Variants in MTIF2 observed in about 807,000 individuals in gnomAD.
The protein encoded by MTIF2 is translation initiation factor IF-2, mitochondrial.
In MTIF2, 71 loss-of-function variants were observed where a neutral mutation model predicts 83.5. That is an observed-to-expected ratio of 0.85 (90% CI 0.70 to 1.04). The LOEUF is 1.04. Among genes scored for constraint, MTIF2 ranks in the 50% least tolerant of loss-of-function variants. MTIF2 has a pLI of 0.00. For missense variants in MTIF2, 957 were observed against 846.5 expected (o/e 1.13, Z -1.62); for synonymous variants, 319 against 287.1 (o/e 1.11, Z -1.12).
At chr2:55,266,874 T>C (rs1472551774) in intron 3 of MTIF2, among the ~76,000 whole-genome samples, 1 of 151,202 alleles carries the variant, frequency 6.6e-6, no homozygotes. Flanking sequence ...TTCAAGCAAT[T>C]TTCTCCAGCC....
Position 55,237,427 on chromosome 2 carries a change from A to G in MTIF2, c.1872T>C (p.Gly624=), listed in dbSNP as rs772467750. ...AGAAGGTAGCTAGTATAGATGCCTC[A>G]CCTTTAGGAAGAAGAGAACATTAAT... The part of the protein sequence containing the change: ...LPCAVEEHPV[G]EASILATFSV... Residue 624 remains glycine (G), a splice_region_variant and synonymous_variant, in exon 15 of 16, where the codon GGT becomes GGC. Transcript: ENST00000263629. The G allele has an allele frequency of 1.8e-5, 29 of 1,597,142 alleles. No homozygotes were observed. The highest frequency in any genetic ancestry group is 2.7e-5 in the African/African-American group (2 of 73,770).
chr2:55,240,326 A>G, intron 13 of MTIF2, 151 bp from the exon 14 acceptor site: 1 of 707,036 alleles, frequency 1.4e-6, no homozygotes, highest in Non-Finnish European at 2.2e-6. Flanking sequence ...CACGCCTGTA[A>G]TCCCATCACT....
intron 9 of MTIF2, among the ~76,000 whole-genome samples, chr2:55,247,943 T>C (rs2104358211): frequency 6.6e-6 from 1 of 152,252 alleles, no homozygotes; most frequent in East Asian, 1.9e-4. Flanking sequence ...AAGGCTGGAG[T>C]GCAGTGGCAT....
chr2:55,249,386 C>T lies in MTIF2; in HGVS notation c.981+9G>A, dbSNP rs757486665. 1.2e-5 allele frequency: 19 copies of T among 1,613,220 alleles called. No homozygotes were observed. Among genetic ancestry groups the T allele is most frequent in the Admixed American group, 8.3e-5 (5 of 59,912 alleles). On this transcript the variant is annotated intron_variant, in intron 9 of 15. Transcript: ENST00000263629. Reference sequence around the variant, plus strand: ...TCCAGGCATATTTATATGAGGTCCCCGCATTTACCGTAAGTGCGGAGACAG... The same window carrying T: ...TCCAGGCATATTTATATGAGGTCCCTGCATTTACCGTAAGTGCGGAGACAG...
At position 55,263,704 on chromosome 2, in the gene MTIF2, G is replaced by A. The variant is rs1278297258; in HGVS notation, c.155C>T (p.Pro52Leu). 6 of 1,613,922 alleles carry A rather than the reference G, an allele frequency of 3.7e-6. No individual in the cohort carries two copies. The highest frequency in any genetic ancestry group is 5.1e-6 in the Non-Finnish European group (6 of 1,180,028). ...PVWTAQLCAW[P>L]WPTDVLTGAA... ...CCCAGTGAGCACATCTGTTGGCCAG[G>A]GCCAGGCACACAGTTGAGCTGTCCA... is the stretch of plus-strand genomic sequence containing the variant. Residue 52 changes from proline to leucine, a missense_variant, in exon 4 of 16, where the codon CCC becomes CTC. Coordinates refer to ENST00000263629, the MANE Select transcript of MTIF2 (RefSeq NM_002453.3).
intron 13 of MTIF2, among the ~76,000 whole-genome samples, 172 bp downstream of exon 13, chr2:55,242,768 T>C (rs927526515): frequency 1.3e-5 from 2 of 152,194 alleles, no homozygotes; most frequent in African/African-American, 2.4e-5. Context: ...ATAGCCACAA[T>C]ACTGCACATC....
At position 55,251,873 on chromosome 2, in the gene MTIF2, G is replaced by A. The variant is rs529175168; in HGVS notation, c.841+604C>T. Among the ~76,000 whole-genome samples the A allele has an allele frequency of 7.2e-5, 11 of 152,236 alleles. No individual in the cohort carries two copies. In the East Asian group the frequency reaches 1.9e-3, roughly 27 times the overall value. On this transcript the variant is annotated intron_variant, in intron 8 of 15. Transcript: ENST00000263629. Reference sequence around the variant, plus strand: ...CCCAATGACCTCAGGTGATCCACCGGCCTCGGCCTCCCAAAGTGCTGGGAT... The same window carrying A: ...CCCAATGACCTCAGGTGATCCACCGACCTCGGCCTCCCAAAGTGCTGGGAT...
At chr2:55,253,453 C>T (rs866918385) in intron 7 of MTIF2, among the ~76,000 whole-genome samples, 5 of 151,578 alleles carry the variant, frequency 3.3e-5, no homozygotes, top group African/African-American at 1.2e-4. Flanking sequence ...TCAAGATGGG[C>T]AGATCACTTG....
chr2:55,259,655 A>C (rs1304323241), intron 5 of MTIF2, among the ~76,000 whole-genome samples: 1 of 152,234 alleles, frequency 6.6e-6, no homozygotes, highest in Non-Finnish European at 1.5e-5. Flanking sequence ...GCTAATAATA[A>C]AAAGTTTTGC....
In MTIF2 at chr2:55,237,282, G is replaced by C. The variant is rs745377243; in HGVS notation, c.2011+6C>G. 2 of 1,610,266 alleles carry C rather than the reference G, an allele frequency of 1.2e-6. No individual in the cohort carries two copies. The highest frequency in any genetic ancestry group is 4.5e-5 in the East Asian group (2 of 44,806). Reference sequence around the variant, plus strand: ...TGCTATTATAGGAGATTTTGATGTTGCTTACCCTTCCAAATTACATGTCCA... The same window carrying C: ...TGCTATTATAGGAGATTTTGATGTTCCTTACCCTTCCAAATTACATGTCCA... On this transcript the variant is annotated splice_donor_region_variant and intron_variant, in intron 15 of 15. Coordinates refer to ENST00000263629, the MANE Select transcript of MTIF2 (RefSeq NM_002453.3).
At position 55,243,059 on chromosome 2, in the gene MTIF2, T is replaced by A. The variant is rs750664190; in HGVS notation, c.1586A>T (p.Glu529Val). 1 of 1,606,552 alleles carries A rather than the reference T, an allele frequency of 6.2e-7. No homozygotes were observed. The change falls in exon 13 of 16, where the codon GAG becomes GTG. Residue 529 changes from glutamate (E) to valine (V), a missense_variant. Transcript: ENST00000263629. Reference protein sequence around the residue: ...IIKGDVDGSVEAILNIIDTYD... With the variant: ...IIKGDVDGSVVAILNIIDTYD... Reference sequence around the variant, plus strand: ...GGTATCTATAATGTTCAAAATGGCCTCAACAGAACCATCAACATCACCTAA... The same window carrying A: ...GGTATCTATAATGTTCAAAATGGCCACAACAGAACCATCAACATCACCTAA...
intron 2 of MTIF2, among the ~76,000 whole-genome samples, chr2:55,268,174 ACC>A (rs2104498637): frequency 6.6e-6 from 1 of 151,970 alleles, no homozygotes; most frequent in South Asian, 2.1e-4. Context: ...AATCGCTTGA[ACC>A]CAGGAGGCAG....
intron 4 of MTIF2, among the ~76,000 whole-genome samples, chr2:55,263,082 C>T (rs572503543): frequency 2.6e-5 from 4 of 151,894 alleles, no homozygotes; most frequent in South Asian, 2.1e-4. Flanking sequence ...AGGACGGTCT[C>T]GAACTCTTGA....
intron 4 of MTIF2, 65 bp from the exon 5 acceptor site, chr2:55,262,492 A>T: frequency 1.1e-6 from 1 of 951,568 alleles, no homozygotes. Context: ...ATTTAGATTT[A>T]TTCTCAAATA....
At position 55,243,608 on chromosome 2, in the gene MTIF2, C is replaced by T; in HGVS notation, c.1372G>A (p.Glu458Lys). ...TTTTCTTCTATTATTTTCAGATCCTCCTGACCTTTCTCCTGTTCTTGTTCA... is the reference window on the plus strand; with the variant it reads ...TTTTCTTCTATTATTTTCAGATCCTTCTGACCTTTCTCCTGTTCTTGTTCA... ...KYEQEQEKGQ[E>K]DLKIIEEKRK... The change falls in exon 12 of 16, where the codon GAG becomes AAG. Residue 458 changes from glutamate (E) to lysine (K), a missense_variant. Glu to Lys is a moderately conservative substitution (Grantham distance 56, BLOSUM62 1). Transcript: ENST00000263629. 1 of 1,614,038 alleles carries T rather than the reference C, an allele frequency of 6.2e-7. No homozygotes were observed. The highest frequency in any genetic ancestry group is 8.5e-7 in the Non-Finnish European group (1 of 1,179,998).
In MTIF2 at chr2:55,237,395, G is replaced by A; in HGVS notation, c.1904C>T (p.Thr635Ile). 1.9e-6 allele frequency: 3 copies of A among 1,612,502 alleles called. No homozygotes were observed. Among genetic ancestry groups the A allele is most frequent in the Non-Finnish European group, 2.5e-6 (3 of 1,179,754 alleles). ...EASILATFSV[T>I]EGKKKVPVAG... ...CACAGGAACTTTTTTCTTCCCTTCT[G>A]TTACAGAGAAGGTAGCTAGTATAGA... The change falls in exon 15 of 16, where the codon ACA becomes ATA. Residue 635 changes from threonine (T) to isoleucine (I), a missense_variant. Physicochemically the swap from Thr to Ile is moderately conservative, Grantham distance 89 (BLOSUM62 -1). Transcript: ENST00000263629.
At chr2:55,245,206 T>A (rs1049997894) in intron 10 of MTIF2, among the ~76,000 whole-genome samples, 1 of 152,016 alleles carries the variant, frequency 6.6e-6, no homozygotes, top group Non-Finnish European at 1.5e-5. Flanking sequence ...ATATGAAGTA[T>A]CTAAAGTAGG....
At chr2:55,254,583 T>C (rs760093076) in intron 6 of MTIF2, 71 bp downstream of exon 6, 44 of 1,278,694 alleles carry the variant, frequency 3.4e-5, no homozygotes, top group African/African-American at 4.6e-5. Context: ...AGCAAATCTT[T>C]CCATTAAAAA....
intron 10 of MTIF2, 59 bp from the exon 11 acceptor site, chr2:55,244,292 A>G (rs1177326048): frequency 2.4e-6 from 3 of 1,263,838 alleles, no homozygotes; most frequent in East Asian, 4.9e-5. Flanking sequence ...TAGAGCAAAG[A>G]TATCTTTATG....
Sources: allele counts gnomAD v4.1 joint callset (sites outside exome capture counted in the v4.1 genomes callset), GRCh38; gene constraint gnomAD v4.1.1; transcripts MANE v1.5; gene names NCBI Gene and HGNC (gene_info 2026-07-23, HGNC 2026-07-21).